The following CCSER1 variants were observed in gnomAD, a reference collection of about 807,000 sequenced individuals.
CCSER1 encodes the protein coiled-coil serine rich protein 1.
Under a neutral mutation model 82.0 loss-of-function variants are expected in CCSER1, and 41 were observed. The observed-to-expected ratio is 0.50, with a 90% CI of 0.39 to 0.65. The LOEUF is 0.65. Among genes scored for constraint, CCSER1 ranks in the 30% least tolerant of loss-of-function variants. CCSER1 has a pLI of 0.00. For missense variants in CCSER1, 1,119 were observed against 1,064.2 expected (o/e 1.05, Z -0.72); for synonymous variants, 414 against 383.9 (o/e 1.08, Z -0.92).
chr4:90,483,977 T>G (rs1274534649), intron 5 of CCSER1, among the ~76,000 whole-genome samples: 1 of 152,228 alleles, frequency 6.6e-6, no homozygotes, highest in East Asian at 1.9e-4. Context: ...TTTTCCAACT[T>G]GGTTCCATTC....
chr4:91,211,173 G>A (rs1014387005), intron 10 of CCSER1, among the ~76,000 whole-genome samples: 1 of 152,044 alleles, frequency 6.6e-6, no homozygotes, highest in Non-Finnish European at 1.5e-5. Flanking sequence ...AATGGGCAAA[G>A]GTAAAAAACC....
chr4:90,898,225 G>A (rs1724016891), intron 8 of CCSER1, among the ~76,000 whole-genome samples: 1 of 136,868 alleles, frequency 7.3e-6, no homozygotes, highest in Non-Finnish European at 1.6e-5. Context: ...TTTTCTTCTA[G>A]GATTCTTATA....
chr4:91,568,721 T>C (rs1188950423), intron 10 of CCSER1, among the ~76,000 whole-genome samples: 1 of 152,214 alleles, frequency 6.6e-6, no homozygotes, highest in Non-Finnish European at 1.5e-5. Context: ...TTATACTGGC[T>C]ATTTCATCAT....
intron 10 of CCSER1, among the ~76,000 whole-genome samples, chr4:91,227,514 T>G (rs11097311): frequency 0.48 from 71,763 of 150,704 alleles, 17,764 homozygotes; most frequent in East Asian, 0.86. Flanking sequence ...AAACAGTGTT[T>G]ATTTTAATTT....
intron 10 of CCSER1, among the ~76,000 whole-genome samples, chr4:91,512,895 C>A (rs1759903521): frequency 6.6e-6 from 1 of 152,024 alleles, no homozygotes; most frequent in East Asian, 1.9e-4. Flanking sequence ...GGTATAGAAT[C>A]ATATCTTGAA....
At chr4:91,446,349 G>A (rs978990313) in intron 10 of CCSER1, among the ~76,000 whole-genome samples, 2 of 152,020 alleles carry the variant, frequency 1.3e-5, no homozygotes, top group East Asian at 3.9e-4. Context: ...TAGACATTTT[G>A]AACTACCAAG....
At chr4:90,297,735 G>A (rs914030532) in intron 1 of CCSER1, among the ~76,000 whole-genome samples, 1 of 152,156 alleles carries the variant, frequency 6.6e-6, no homozygotes. Context: ...GGCCTTTTCT[G>A]CATCTATTGA....
intron 8 of CCSER1, among the ~76,000 whole-genome samples, chr4:90,903,301 G>C (rs1724943182): frequency 1.3e-5 from 2 of 152,000 alleles, no homozygotes; most frequent in African/African-American, 4.8e-5. Context: ...CACAAGATCT[G>C]ATGGGTTTAT....
rs557436790 is a variant in CCSER1 at position 91,128,074 on chromosome 4, CTG to C, written c.2217+42083_2217+42084del. Among the ~76,000 whole-genome samples, 1,194 of 152,162 alleles carry C rather than the reference CTG, an allele frequency of 7.8e-3. 13 individuals carry two copies. The highest frequency in any genetic ancestry group is 0.013 in the Non-Finnish European group (854 of 67,970). ...CCTGCTGCTGCTCCCCCACATGCCA[CTG>C]TGGATGTCAGCCATGCCATGTCTGT... On this transcript the variant is annotated intron_variant, in intron 10 of 10. Coordinates refer to ENST00000509176, the MANE Select transcript of CCSER1 (RefSeq NM_001145065.2).
intron 10 of CCSER1, among the ~76,000 whole-genome samples, chr4:91,341,757 G>T (rs1747734012): frequency 6.6e-6 from 1 of 152,166 alleles, no homozygotes; most frequent in East Asian, 1.9e-4. Flanking sequence ...TGGCCAGTCT[G>T]GTCTCTTGAC....
intron 8 of CCSER1, among the ~76,000 whole-genome samples, chr4:90,879,620 AGG>A (rs1237079902): frequency 9.2e-5 from 14 of 151,384 alleles, no homozygotes; most frequent in Admixed American, 4.0e-4. Context: ...GAGGAGGAGG[AGG>A]AGGAGGAAAG....
chr4:91,433,550 T>G (rs571122303), intron 10 of CCSER1, among the ~76,000 whole-genome samples: 116 of 152,328 alleles, frequency 7.6e-4, no homozygotes, highest in Non-Finnish European at 1.5e-3. Flanking sequence ...TAGTTTCCTT[T>G]TTAAAATATA....
intron 10 of CCSER1, among the ~76,000 whole-genome samples, chr4:91,153,968 TGAG>T (rs1305568988): frequency 8.6e-5 from 13 of 152,014 alleles, no homozygotes; most frequent in African/African-American, 3.1e-4. Context: ...GGGACCCACT[TGAG>T]GAGGCAGTCT....
chr4:91,403,397 G>T (rs879209302), intron 10 of CCSER1, among the ~76,000 whole-genome samples: 4 of 152,014 alleles, frequency 2.6e-5, no homozygotes, highest in Non-Finnish European at 4.4e-5. Flanking sequence ...TCTTTCTTCT[G>T]CCTGACTGCC....
intron 10 of CCSER1, among the ~76,000 whole-genome samples, chr4:91,145,296 A>T (rs529687336): frequency 2.3e-4 from 35 of 151,984 alleles, no homozygotes; most frequent in African/African-American, 7.9e-4. Context: ...TTTTTTTGTT[A>T]TCCATTTGCA....
rs1434666682 is a variant in CCSER1, at chr4:90,956,763, C to T, written c.2172+33316C>T. On this transcript the variant is annotated intron_variant, in intron 9 of 10. Coordinates refer to ENST00000509176, the MANE Select transcript of CCSER1 (RefSeq NM_001145065.2). ...TCTGATATTCTTTTCTTTTCTTCCT[C>T]TTCTTTTTTTTTTTTTTTTCTTTAA... Among the ~76,000 whole-genome samples the T allele has an allele frequency of 2.6e-4, 34 of 131,166 alleles. No individual in the cohort carries two copies. The Admixed American group carries it at 2.8e-3, about 11-fold the overall frequency. The allele number at this position is 131,166 out of a possible 152,430, so 86.0% of individuals were successfully genotyped here.
intron 1 of CCSER1, among the ~76,000 whole-genome samples, chr4:90,225,250 T>C (rs1742939069): frequency 1.2e-5 from 1 of 86,306 alleles, no homozygotes; most frequent in Admixed American, 1.2e-4. Context: ...TTTTTTTTTT[T>C]TTTTTTGTAG....
chr4:90,496,713 T>A (rs1008271755), intron 5 of CCSER1, among the ~76,000 whole-genome samples: 9 of 152,090 alleles, frequency 5.9e-5, no homozygotes, highest in Non-Finnish European at 1.5e-5. Flanking sequence ...GCACAGTGGC[T>A]CACGCCTGTA....
intron 10 of CCSER1, among the ~76,000 whole-genome samples, chr4:91,139,661 A>G (rs1728837582): frequency 6.6e-6 from 1 of 152,180 alleles, no homozygotes; most frequent in Non-Finnish European, 1.5e-5. Context: ...CATATAAAAT[A>G]TCATAAATAT....
Sources: allele counts gnomAD v4.1 joint callset (sites outside exome capture counted in the v4.1 genomes callset), GRCh38; gene constraint gnomAD v4.1.1; transcripts MANE v1.5; gene names NCBI Gene and HGNC (gene_info 2026-07-23, HGNC 2026-07-21).